SRP54: variants seen among roughly 807,000 people sequenced by gnomAD.
SRP54 encodes the protein signal recognition particle subunit SRP54.
Under a neutral mutation model 64.8 loss-of-function variants are expected in SRP54, and 10 were observed. The ratio of observed to expected loss-of-function variants is 0.15; its 90% CI spans 0.10 to 0.26. The LOEUF (loss-of-function observed/expected upper bound fraction) is 0.26. SRP54 is among the 10% of genes least tolerant of loss of function. The pLI is 1.00. For missense variants in SRP54, 325 were observed against 613.7 expected, an observed-to-expected ratio of 0.53 and a Z score of 4.97; for synonymous variants, 193 against 185.6, an observed-to-expected ratio of 1.04 and a Z score of -0.32.
intron 1 of SRP54, among the ~76,000 whole-genome samples, chr14:34,995,239 A>G (rs1242634481): frequency 4.7e-5 from 7 of 149,946 alleles, no homozygotes. Context: ...ATTATAAGGA[A>G]TTGGCTCAGG....
intron 4 of SRP54, among the ~76,000 whole-genome samples, chr14:35,005,371 G>A (rs1169144027): frequency 6.7e-6 from 1 of 149,936 alleles, no homozygotes; most frequent in Non-Finnish European, 1.5e-5. Context: ...GAATGGGCAT[G>A]ACTGTATTAG....
chr14:35,026,183 TTTA>T (rs960968859), intron 14 of SRP54, among the ~76,000 whole-genome samples: 11 of 66,562 alleles, frequency 1.7e-4, no homozygotes, highest in South Asian at 6.0e-4. Context: ...TGTTTTTTTA[TTTA>T]TTGTTGTTGT....
At chr14:34,998,988 TG>T (rs1566645474) in intron 2 of SRP54, among the ~76,000 whole-genome samples, 2 of 95,450 alleles carry the variant, frequency 2.1e-5, no homozygotes, top group Non-Finnish European at 4.6e-5. Flanking sequence ...TGTGTGTGTG[TG>T]TGTGTGTGTG....
intron 1 of SRP54, among the ~76,000 whole-genome samples, chr14:34,986,608 G>A (rs979615935): frequency 6.6e-5 from 10 of 152,170 alleles, no homozygotes; most frequent in African/African-American, 2.2e-4. Flanking sequence ...TGCTGGTCGT[G>A]GTGGCTCACG....
At chr14:35,016,840 C>CTTTCTTTTT (rs2044447775) in intron 11 of SRP54, among the ~76,000 whole-genome samples, 1 of 71,616 alleles carries the variant, frequency 1.4e-5, no homozygotes, top group Non-Finnish European at 3.0e-5. Context: ...CCTTTTTTTT[C>CTTTCTTTTT]TTTTCTTTTT....
At chr14:34,999,456 G>A (rs2044137142) in intron 2 of SRP54, 102 bp from the exon 3 acceptor site, 1 of 738,402 alleles carries the variant, frequency 1.4e-6, no homozygotes, top group Non-Finnish European at 2.3e-6. Flanking sequence ...CCAGTAGTGT[G>A]GTATTACTAA....
chr14:35,013,802 A>G lies in SRP54; in HGVS notation c.786A>G (p.Ala262=). 6.2e-7 allele frequency: 1 copy of G among 1,600,408 alleles called. No homozygotes were observed. Among genetic ancestry groups the G allele is most frequent in the East Asian group, 2.2e-5 (1 of 44,808 alleles). Residue 262 remains alanine, a splice_region_variant and synonymous_variant, in exon 10 of 16, where the codon GCA becomes GCG. Transcript: ENST00000216774. ...TTTTATATTTTCTTTTTTTTTCCAGAGTCGCTGCCACAAAAAGTCCGATTA... is the reference window on the plus strand; with the variant it reads ...TTTTATATTTTCTTTTTTTTTCCAGGGTCGCTGCCACAAAAAGTCCGATTA... ...GHAKGGGALS[A]VAATKSPIIF...
chr14:35,018,805 A>C, intron 12 of SRP54, 40 bp downstream of exon 12: 1 of 1,567,250 alleles, frequency 6.4e-7, no homozygotes, highest in Non-Finnish European at 8.7e-7. Flanking sequence ...TTTTGTTTTC[A>C]TTAAATTTTC....
intron 4 of SRP54, among the ~76,000 whole-genome samples, chr14:35,002,923 T>G (rs1206555747): frequency 6.6e-6 from 1 of 151,844 alleles, no homozygotes; most frequent in Non-Finnish European, 1.5e-5. Flanking sequence ...TTTTTGCATT[T>G]TTTGTAGAGA....
chr14:35,001,093 C>A, intron 4 of SRP54, 73 bp downstream of exon 4: 1 of 581,052 alleles, frequency 1.7e-6, no homozygotes. Flanking sequence ...ACAAATATTT[C>A]AGAATTTTTA....
At chr14:35,008,588 A>G (rs2044304213) in intron 5 of SRP54, 39 bp from the exon 6 acceptor site, 9 of 1,344,444 alleles carry the variant, frequency 6.7e-6, no homozygotes, top group South Asian at 1.7e-5. Flanking sequence ...AGTTTGTTAT[A>G]TTTTATGATA....
In SRP54 at chr14:35,024,236, C is replaced by A. The variant is rs554726013; in HGVS notation, c.1327+1156C>A. Among the ~76,000 whole-genome samples the A allele has an allele frequency of 9.9e-5, 15 of 152,238 alleles. 1 individual carries two copies. In the South Asian group the frequency reaches 2.9e-3, roughly 29 times the overall value. On this transcript the variant is annotated intron_variant, in intron 14 of 15. Coordinates refer to ENST00000216774, the MANE Select transcript of SRP54 (RefSeq NM_003136.4). ...TAGAGACGGGGTTTCACTATGTTGGCCAGGCTGGTCTTGAACTCCTGACCT... is the reference window on the plus strand; with the variant it reads ...TAGAGACGGGGTTTCACTATGTTGGACAGGCTGGTCTTGAACTCCTGACCT...
chr14:35,027,281 C>T (rs1051536216), intron 14 of SRP54, among the ~76,000 whole-genome samples: 19 of 152,126 alleles, frequency 1.2e-4, no homozygotes, highest in Middle Eastern at 3.4e-3. Flanking sequence ...CTGCCAGCCT[C>T]GGCCTCCCAG....
At chr14:35,003,205 A>G (rs1312119823) in intron 4 of SRP54, among the ~76,000 whole-genome samples, 1 of 152,172 alleles carries the variant, frequency 6.6e-6, no homozygotes, top group Admixed American at 6.6e-5. Flanking sequence ...TCAGATGCTT[A>G]TGGTCTAGAG....
chr14:34,995,136 T>TGTGTGTGG (rs2044049212), intron 1 of SRP54, among the ~76,000 whole-genome samples: 1 of 17,506 alleles, frequency 5.7e-5, no homozygotes, highest in African/African-American at 1.9e-4. Context: ...CAATAAAGGG[T>TGTGTGTGG]GTGTGTGTGT....
chr14:35,010,258 AC>A (rs565737358), intron 7 of SRP54, among the ~76,000 whole-genome samples: 261 of 151,544 alleles, frequency 1.7e-3, no homozygotes, highest in African/African-American at 6.1e-3. Flanking sequence ...GACCAGCCTG[AC>A]CAACATGGAG....
At chr14:35,003,609 C>T (rs1368824823) in intron 4 of SRP54, among the ~76,000 whole-genome samples, 3 of 147,852 alleles carry the variant, frequency 2.0e-5, no homozygotes, top group Admixed American at 6.8e-5. Context: ...TACTCTGTTG[C>T]CCAGGCTGGA....
At chr14:35,004,618 C>T (rs1452214625) in intron 4 of SRP54, 1 of 152,134 alleles carries the variant, frequency 6.6e-6, no homozygotes, top group Non-Finnish European at 1.5e-5. Context: ...TTGAAAACTG[C>T]TGTTCTTGAT....
At chr14:35,024,281 G>A (rs1177939947) in intron 14 of SRP54, among the ~76,000 whole-genome samples, 10 of 152,036 alleles carry the variant, frequency 6.6e-5, no homozygotes, top group African/African-American at 2.2e-4. Flanking sequence ...TGCCCGCCTC[G>A]GACTCCCAAA....
Sources: allele counts gnomAD v4.1 joint callset (sites outside exome capture counted in the v4.1 genomes callset), GRCh38; gene constraint gnomAD v4.1.1; transcripts MANE v1.5; gene names NCBI Gene and HGNC (gene_info 2026-07-23, HGNC 2026-07-21).